GAB2: variants seen among roughly 807,000 people sequenced by gnomAD.
GAB2 encodes GRB2-associated-binding protein 2.
A neutral mutation model predicts 65.5 loss-of-function variants in GAB2; 26 were observed. That is an observed-to-expected ratio of 0.40 (90% CI 0.29 to 0.55). The LOEUF is 0.55. GAB2 is among the 20% of genes least tolerant of loss of function. GAB2 has a pLI of 0.53. For synonymous variants in GAB2, 321 were observed against 329.6 expected, an observed-to-expected ratio of 0.97 and a Z score of 0.28; for missense variants, 884 against 875.8, an observed-to-expected ratio of 1.01 and a Z score of -0.12.
intron 1 of GAB2, chr11:78,392,328 CTAAA>C (rs1455368013): frequency 1.3e-5 from 2 of 151,928 alleles, no homozygotes; most frequent in Non-Finnish European, 2.9e-5. Flanking sequence ...TCACAAGGGA[CTAAA>C]TAAACTGTAA....
Position 78,327,779 on chromosome 11 carries a change from T to G in GAB2, c.76-46878A>C, listed in dbSNP as rs150610125. ...GGGCAAGACAGCTGGGTTTATATCCTAAATTCTTAATAACTAGCAGTGTCA... is the reference window on the plus strand; with the variant it reads ...GGGCAAGACAGCTGGGTTTATATCCGAAATTCTTAATAACTAGCAGTGTCA... On this transcript the variant is annotated intron_variant, in intron 1 of 9. Coordinates refer to ENST00000361507, the MANE Select transcript of GAB2 (RefSeq NM_080491.3). Among the ~76,000 whole-genome samples, 435 of 152,354 alleles carry G rather than the reference T, an allele frequency of 2.9e-3. 2 individuals carry two copies. The Middle Eastern group carries it at 0.034, about 12-fold the overall frequency.
At chr11:78,270,334 A>T (rs1490020078) in intron 2 of GAB2, among the ~76,000 whole-genome samples, 1 of 77,744 alleles carries the variant, frequency 1.3e-5, no homozygotes, top group African/African-American at 7.6e-5. Flanking sequence ...ACTCCGTCTT[A>T]AAAAAAAAAA....
rs796161663 is a variant in GAB2, at chr11:78,291,555, C to CTTTTTTTTTTTTTTTTT, written c.76-10655_76-10654insAAAAAAAAAAAAAAAAA. 1.6e-4 allele frequency among the ~76,000 whole-genome samples: 9 copies of CTTTTTTTTTTTTTTTTT among 55,046 alleles called. 2 individuals carry two copies. The highest frequency in any genetic ancestry group is 3.8e-4 in the African/African-American group (6 of 15,662). The allele number at this position is 55,046 out of a possible 152,430, so 36.1% of individuals were successfully genotyped here. ...CCTATCTTGAGAGACTTACTTTTTT[C>CTTTTTTTTTTTTTTTTT]TTTTTCTTTTTTTTTTTTTTTTTTT... On this transcript the variant is annotated intron_variant, in intron 1 of 9. Transcript: ENST00000361507.
Position 78,250,224 on chromosome 11 carries a change from A to G in GAB2, c.553T>C (p.Ser185Pro), listed in dbSNP as rs148011526. 86 of 1,613,494 alleles carry G rather than the reference A, an allele frequency of 5.3e-5. No individual in the cohort carries two copies. The African/African-American group carries it at 9.5e-4, about 18-fold the overall frequency. ...AGATACTCCTGAGGTGCGCTGGTGG[A>G]CAAGGTGGGCTGCATGTGGTTTGAC... Reference protein sequence around the residue: ...PVSNHMQPTLSTSAPQEYLYL... With the variant: ...PVSNHMQPTLPTSAPQEYLYL... Residue 185 changes from serine (S) to proline (P), a missense_variant, in exon 3 of 10, where the codon TCC (serine) becomes CCC (proline). Physicochemically the swap from Ser to Pro is moderately conservative, Grantham distance 74. Coordinates refer to ENST00000361507, the MANE Select transcript of GAB2 (RefSeq NM_080491.3).
At chr11:78,264,577 T>A (rs76812486) in intron 2 of GAB2, among the ~76,000 whole-genome samples, 1 of 148,772 alleles carries the variant, frequency 6.7e-6, no homozygotes, top group African/African-American at 2.5e-5. Context: ...ATTTTTGTAT[T>A]TTTTTTTTTA....
chr11:78,246,284 G>A (rs1865295850), intron 3 of GAB2, among the ~76,000 whole-genome samples: 2 of 152,072 alleles, frequency 1.3e-5, no homozygotes, highest in Non-Finnish European at 2.9e-5. Flanking sequence ...TTTATTACAT[G>A]GAATGTTGTT....
intron 1 of GAB2, among the ~76,000 whole-genome samples, chr11:78,398,522 T>C (rs112887447): frequency 6.6e-6 from 1 of 152,180 alleles, no homozygotes; most frequent in Non-Finnish European, 1.5e-5. Flanking sequence ...TTGATAAGAT[T>C]TGAAATTGTG....
At chr11:78,278,226 T>G (rs1866229449) in intron 2 of GAB2, among the ~76,000 whole-genome samples, 1 of 151,842 alleles carries the variant, frequency 6.6e-6, no homozygotes, top group South Asian at 2.1e-4. Flanking sequence ...CCCACCACCA[T>G]GCCTGGTTAA....
intron 3 of GAB2, among the ~76,000 whole-genome samples, chr11:78,232,824 G>A (rs1200934000): frequency 2.0e-5 from 3 of 152,146 alleles, no homozygotes; most frequent in Non-Finnish European, 4.4e-5. Flanking sequence ...GTCTATGCGA[G>A]GCAGGATGAA....
chr11:78,402,703 G>A (rs563533851), intron 1 of GAB2, among the ~76,000 whole-genome samples: 13 of 152,066 alleles, frequency 8.5e-5, no homozygotes, highest in African/African-American at 3.1e-4. Flanking sequence ...TGCCCGCCTC[G>A]GCCACCCAAA....
Position 78,401,951 on chromosome 11 carries a change from T to TAA in GAB2, c.75+15694_75+15695insTT, listed in dbSNP as rs1307841106. Among the ~76,000 whole-genome samples the TAA allele has an allele frequency of 4.6e-5, 7 of 152,318 alleles. No individual in the cohort carries two copies. In the East Asian group the frequency reaches 1.3e-3, roughly 29 times the overall value. ...AATTTCCATCTGGTTATATGAACCA[T>TAA]ATAGAATTATTTATTTAAATACTCA... On this transcript the variant is annotated intron_variant, in intron 1 of 9. Coordinates refer to ENST00000361507, the MANE Select transcript of GAB2 (RefSeq NM_080491.3).
At chr11:78,354,398 T>C (rs931874458) in intron 1 of GAB2, among the ~76,000 whole-genome samples, 2 of 152,160 alleles carry the variant, frequency 1.3e-5, no homozygotes, top group East Asian at 1.9e-4. Context: ...TGTACTGTAC[T>C]GTATCATATC....
At chr11:78,224,898 C>T (rs1864577025) in intron 5 of GAB2, among the ~76,000 whole-genome samples, 1 of 152,048 alleles carries the variant, frequency 6.6e-6, no homozygotes, top group Non-Finnish European at 1.5e-5. Context: ...ATCCAGTCTA[C>T]CTTAGCACAT....
intron 3 of GAB2, among the ~76,000 whole-genome samples, chr11:78,236,222 A>T (rs1178487855): frequency 2.0e-5 from 3 of 152,268 alleles, no homozygotes; most frequent in South Asian, 2.1e-4. Flanking sequence ...TATAATTAAA[A>T]TTTTTTCATT....
chr11:78,343,106 T>C (rs2134693739), intron 1 of GAB2, among the ~76,000 whole-genome samples: 1 of 152,276 alleles, frequency 6.6e-6, no homozygotes, highest in South Asian at 2.1e-4. Context: ...TAGTTACTTT[T>C]TTGAGGAATC....
intron 1 of GAB2, chr11:78,341,734 C>CA (rs748591407): frequency 2.4e-5 from 24 of 984,278 alleles, no homozygotes; most frequent in Admixed American, 6.1e-5. Flanking sequence ...ACTTGCCCGC[C>CA]ATACTCTTTG....
At chr11:78,309,971 T>TGTGCGCGC (rs1421836447) in intron 1 of GAB2, among the ~76,000 whole-genome samples, 2 of 120,194 alleles carry the variant, frequency 1.7e-5, no homozygotes, top group African/African-American at 7.1e-5. Flanking sequence ...TGTGTGTGTG[T>TGTGCGCGC]GCGCGCGCGC....
chr11:78,242,295 G>C (rs1865153965), intron 3 of GAB2, among the ~76,000 whole-genome samples: 1 of 152,150 alleles, frequency 6.6e-6, no homozygotes, highest in Non-Finnish European at 1.5e-5. Context: ...GAGGTCAGGA[G>C]ATCGAGACCA....
At chr11:78,264,398 T>A (rs1865817815) in intron 2 of GAB2, among the ~76,000 whole-genome samples, 1 of 138,470 alleles carries the variant, frequency 7.2e-6, no homozygotes, top group Non-Finnish European at 1.5e-5. Context: ...TTTTAAAAAT[T>A]TCTTTTTCTT....
Sources: gnomAD v4.1 joint callset for allele counts (sites outside exome capture counted in the v4.1 genomes callset) on GRCh38, gnomAD v4.1.1 for gene constraint, MANE v1.5 for transcripts, NCBI Gene and HGNC (gene_info 2026-07-23, HGNC 2026-07-21) for gene names.